The following ATP8B4 variants were observed in gnomAD, a reference collection of about 807,000 sequenced individuals.
ATP8B4 encodes the protein ATPase phospholipid transporting 8B4 (putative).
Under a neutral mutation model 145.6 loss-of-function variants are expected in ATP8B4, and 133 were observed. The observed-to-expected ratio is 0.91, with a 90% CI of 0.79 to 1.05. The LOEUF (loss-of-function observed/expected upper bound fraction) is 1.05, where lower values mean the gene tolerates loss of function less well. Ranked by LOEUF, ATP8B4 falls within the 50% of genes least tolerant of loss-of-function variation. ATP8B4 has a pLI of 0.00. For synonymous variants in ATP8B4, 507 were observed against 492.9 expected, an observed-to-expected ratio of 1.03 and a Z score of -0.38; for missense variants, 1,458 against 1,425.2, an observed-to-expected ratio of 1.02 and a Z score of -0.37.
In ATP8B4 at chr15:50,057,908, G is replaced by A. The variant is rs80164857; in HGVS notation, c.88-10444C>T. 3.9e-3 allele frequency among the ~76,000 whole-genome samples: 585 copies of A among 151,846 alleles called. 4 individuals are homozygous for A. Among genetic ancestry groups the A allele is most frequent in the African/African-American group, 0.014 (566 of 41,386 alleles). On this transcript the variant is annotated intron_variant, in intron 3 of 27. Transcript: ENST00000284509. ...ATCACACTAATTTTTTTTTCTCCAGGGTGTTTAGACGTATATAACATTTTA... is the reference window on the plus strand; with the variant it reads ...ATCACACTAATTTTTTTTTCTCCAGAGTGTTTAGACGTATATAACATTTTA...
intron 10 of ATP8B4, among the ~76,000 whole-genome samples, chr15:49,983,860 T>C (rs1567140451): frequency 6.6e-6 from 1 of 152,200 alleles, no homozygotes. Flanking sequence ...TGACCTCACT[T>C]TCCTTACTCC....
intron 14 of ATP8B4, among the ~76,000 whole-genome samples, chr15:49,946,149 G>T (rs2042546748): frequency 6.6e-6 from 1 of 151,980 alleles, no homozygotes; most frequent in African/African-American, 2.4e-5. Flanking sequence ...AAAGTTACAA[G>T]ACAAAAAATT....
intron 14 of ATP8B4, among the ~76,000 whole-genome samples, chr15:49,960,380 T>A (rs879186484): frequency 1.8e-4 from 28 of 152,056 alleles, no homozygotes; most frequent in African/African-American, 6.0e-4. Context: ...AGAAAACACA[T>A]CAAAAATTCA....
At chr15:50,151,740 CAAAAAAA>C (rs58413585) in intron 1 of ATP8B4, among the ~76,000 whole-genome samples, 19 of 91,760 alleles carry the variant, frequency 2.1e-4, no homozygotes, top group Non-Finnish European at 2.6e-4. Context: ...GAACCTGTCT[CAAAAAAA>C]AAAAAAAAAA....
intron 14 of ATP8B4, among the ~76,000 whole-genome samples, chr15:49,935,925 C>T (rs1397196472): frequency 3.3e-5 from 5 of 152,106 alleles, no homozygotes; most frequent in African/African-American, 4.8e-5. Flanking sequence ...TATAAACACT[C>T]CCTAACTGGT....
At chr15:49,979,426 A>G (rs1352505351) in intron 12 of ATP8B4, among the ~76,000 whole-genome samples, 191 bp downstream of exon 12, 1 of 152,220 alleles carries the variant, frequency 6.6e-6, no homozygotes, top group Non-Finnish European at 1.5e-5. Context: ...AATTAACCGC[A>G]TTTATTGTAA....
At chr15:50,018,395 C>G (rs960553039) in intron 6 of ATP8B4, among the ~76,000 whole-genome samples, 1 of 152,176 alleles carries the variant, frequency 6.6e-6, no homozygotes, top group Non-Finnish European at 1.5e-5. Context: ...AATCTAGACA[C>G]CATGCTGAGT....
At chr15:49,918,458 A>G (rs992832913) in intron 19 of ATP8B4, among the ~76,000 whole-genome samples, 41 of 152,350 alleles carry the variant, frequency 2.7e-4, no homozygotes, top group African/African-American at 9.9e-4. Flanking sequence ...TCAAGAAACT[A>G]AAGGAGTAAC....
At chr15:50,012,766 G>A (rs2048813672) in intron 6 of ATP8B4, among the ~76,000 whole-genome samples, 1 of 152,156 alleles carries the variant, frequency 6.6e-6, no homozygotes, top group African/African-American at 2.4e-5. Flanking sequence ...AGAGCCTGGA[G>A]ATATTGGTAA....
At chr15:49,912,902 C>A (rs2039374188) in intron 20 of ATP8B4, among the ~76,000 whole-genome samples, 1 of 151,926 alleles carries the variant, frequency 6.6e-6, no homozygotes, top group Non-Finnish European at 1.5e-5. Context: ...CGGAGGCAGG[C>A]AGATCATTTG....
intron 1 of ATP8B4, among the ~76,000 whole-genome samples, chr15:50,152,222 G>T (rs534343347): frequency 6.6e-6 from 1 of 152,208 alleles, no homozygotes; most frequent in East Asian, 1.9e-4. Context: ...ACTTAAAACA[G>T]TAACTATGGA....
At chr15:50,158,310 G>A (rs1350852213) in intron 1 of ATP8B4, among the ~76,000 whole-genome samples, 1 of 150,658 alleles carries the variant, frequency 6.6e-6, no homozygotes, top group African/African-American at 2.4e-5. Flanking sequence ...AGGAAGTGAG[G>A]AGCGTCTCTG....
intron 5 of ATP8B4, among the ~76,000 whole-genome samples, chr15:50,041,677 C>T (rs912579141): frequency 6.6e-6 from 1 of 152,194 alleles, no homozygotes; most frequent in Non-Finnish European, 1.5e-5. Context: ...GGCATGGTGG[C>T]TCATGCCTGT....
intron 6 of ATP8B4, among the ~76,000 whole-genome samples, chr15:50,030,350 G>A (rs1318657542): frequency 6.6e-6 from 1 of 152,092 alleles, no homozygotes; most frequent in African/African-American, 2.4e-5. Flanking sequence ...ATGCATCCTG[G>A]TTACAAAAGA....
intron 5 of ATP8B4, among the ~76,000 whole-genome samples, chr15:50,043,713 G>C (rs1399152784): frequency 6.6e-6 from 1 of 151,958 alleles, no homozygotes; most frequent in African/African-American, 2.4e-5. Flanking sequence ...CAGCACTTTG[G>C]GAGGCCGAGG....
At chr15:50,118,119 T>G (rs1567392749) in intron 1 of ATP8B4, among the ~76,000 whole-genome samples, 1 of 152,266 alleles carries the variant, frequency 6.6e-6, no homozygotes, top group East Asian at 1.9e-4. Flanking sequence ...ATAATGATAA[T>G]TTATTTTTTA....
At chr15:50,169,631 C>G (rs1595666447) in intron 1 of ATP8B4, among the ~76,000 whole-genome samples, 1 of 152,128 alleles carries the variant, frequency 6.6e-6, no homozygotes, top group African/African-American at 2.4e-5. Context: ...CGTCAACATC[C>G]CCAAAAGATC....
rs186952135 is a variant in ATP8B4 at position 50,013,905 on chromosome 15, T to G, written c.363-2988A>C. 8.5e-5 allele frequency among the ~76,000 whole-genome samples: 13 copies of G among 152,302 alleles called. 1 individual carries two copies. The highest frequency in any genetic ancestry group is 6.5e-4 in the Admixed American group (10 of 15,290). On this transcript the variant is annotated intron_variant, in intron 6 of 27. Coordinates refer to ENST00000284509, the MANE Select transcript of ATP8B4 (RefSeq NM_024837.4). ...CTGCTAGACTTCACTGAAAATCTCC[T>G]TGAGAAAATGCAAGTCTGAGAGTGA...
chr15:49,923,596 T>C, intron 16 of ATP8B4, 102 bp from the exon 17 acceptor site: 1 of 732,446 alleles, frequency 1.4e-6, no homozygotes, highest in Non-Finnish European at 2.2e-6. Context: ...ATGGGCATAA[T>C]GTTTTAGCCA....
Sources: allele counts gnomAD v4.1 joint callset (sites outside exome capture counted in the v4.1 genomes callset), GRCh38; gene constraint gnomAD v4.1.1; transcripts MANE v1.5; gene names NCBI Gene and HGNC (gene_info 2026-07-23, HGNC 2026-07-21).